The following CA10 variants were observed in gnomAD, a reference collection of about 807,000 sequenced individuals.
CA10 encodes the protein carbonic anhydrase-related protein 10.
Under a neutral mutation model 44.2 loss-of-function variants are expected in CA10, and 14 were observed. That is an observed-to-expected ratio of 0.32 (90% CI 0.21 to 0.50). CA10 has a LOEUF of 0.50. Ranked by LOEUF, CA10 falls within the 20% of genes least tolerant of loss-of-function variation. CA10 has a pLI of 0.99. For synonymous variants in CA10, 159 were observed against 141.6 expected (o/e 1.12, Z -0.87); for missense variants, 350 against 409.7 (o/e 0.85, Z 1.26).
intron 3 of CA10, among the ~76,000 whole-genome samples, chr17:51,771,636 G>A (rs1598037164): frequency 6.6e-6 from 1 of 152,142 alleles, no homozygotes; most frequent in Non-Finnish European, 1.5e-5. Context: ...GTCCCACTAT[G>A]TCTCAGCCTT....
chr17:52,096,760 T>C (rs1197980689), intron 1 of CA10, among the ~76,000 whole-genome samples: 1 of 152,238 alleles, frequency 6.6e-6, no homozygotes, highest in African/African-American at 2.4e-5. Context: ...GCATCTCATT[T>C]CTGAGGTTGG....
At chr17:51,921,020 T>C (rs1232619583) in intron 3 of CA10, among the ~76,000 whole-genome samples, 1 of 152,226 alleles carries the variant, frequency 6.6e-6, no homozygotes, top group Non-Finnish European at 1.5e-5. Flanking sequence ...GGAATAATTT[T>C]GATAGTGGTT....
At chr17:52,140,158 C>T (rs376574710) in intron 1 of CA10, among the ~76,000 whole-genome samples, 60 of 152,174 alleles carry the variant, frequency 3.9e-4, no homozygotes, top group Middle Eastern at 6.8e-3. Flanking sequence ...ATCTTAGTTG[C>T]GGTGGTGGTT....
At chr17:52,086,561 A>G (rs1343217008) in intron 1 of CA10, among the ~76,000 whole-genome samples, 1 of 152,214 alleles carries the variant, frequency 6.6e-6, no homozygotes, top group Non-Finnish European at 1.5e-5. Context: ...GAGGCTAGGG[A>G]AATGTAGTCC....
intron 3 of CA10, among the ~76,000 whole-genome samples, chr17:51,758,235 A>G (rs1411288744): frequency 1.3e-5 from 2 of 152,254 alleles, no homozygotes; most frequent in African/African-American, 4.8e-5. Context: ...TGCTTATTAT[A>G]TTAAATCATA....
At chr17:52,085,190 G>C (rs1988085877) in intron 1 of CA10, among the ~76,000 whole-genome samples, 1 of 152,086 alleles carries the variant, frequency 6.6e-6, no homozygotes, top group Admixed American at 6.6e-5. Flanking sequence ...TTCTGCTATA[G>C]CTCTAATCCA....
At chr17:51,942,004 G>A (rs924241477) in intron 2 of CA10, among the ~76,000 whole-genome samples, 4 of 151,590 alleles carry the variant, frequency 2.6e-5, no homozygotes, top group Non-Finnish European at 5.9e-5. Flanking sequence ...GGTGAATAAT[G>A]AAGGGTACAG....
intron 2 of CA10, among the ~76,000 whole-genome samples, chr17:52,040,850 T>C (rs189832556): frequency 8.0e-4 from 122 of 152,090 alleles, no homozygotes; most frequent in African/African-American, 2.8e-3. Context: ...AGTCTTTGGC[T>C]GAGGGTGAAT....
At chr17:51,878,875 TATATATATA>T (rs1980222265) in intron 3 of CA10, among the ~76,000 whole-genome samples, 4 of 23,560 alleles carry the variant, frequency 1.7e-4, no homozygotes, top group African/African-American at 3.9e-4. Context: ...TATATATATA[TATATATATA>T]TATATATGGG....
intron 2 of CA10, among the ~76,000 whole-genome samples, chr17:52,031,023 C>T (rs1986450445): frequency 6.6e-6 from 1 of 152,146 alleles, no homozygotes; most frequent in Non-Finnish European, 1.5e-5. Context: ...TTTAATAAAT[C>T]TCTTCTCATT....
chr17:51,972,029 A>G (rs2144071115), intron 2 of CA10, among the ~76,000 whole-genome samples: 1 of 152,172 alleles, frequency 6.6e-6, no homozygotes, highest in African/African-American at 2.4e-5. Flanking sequence ...TTAATTTCAA[A>G]TATCTTGCAG....
At chr17:51,902,869 G>A (rs1981379370) in intron 3 of CA10, among the ~76,000 whole-genome samples, 1 of 152,138 alleles carries the variant, frequency 6.6e-6, no homozygotes, top group Non-Finnish European at 1.5e-5. Flanking sequence ...TAGTGGGGAA[G>A]CAGTTAATCA....
At chr17:51,697,750 A>C (rs996187074) in intron 4 of CA10, among the ~76,000 whole-genome samples, 17 of 152,216 alleles carry the variant, frequency 1.1e-4, no homozygotes, top group African/African-American at 4.1e-4. Flanking sequence ...TGAATGAATA[A>C]ACAAATGAAT....
chr17:51,986,222 T>C (rs944901849), intron 2 of CA10, among the ~76,000 whole-genome samples: 5 of 152,034 alleles, frequency 3.3e-5, no homozygotes, highest in Admixed American at 3.3e-4. Context: ...AGCCAAATGA[T>C]CTTTGGCAAA....
chr17:51,678,146 A>G (rs1914697777), intron 4 of CA10, among the ~76,000 whole-genome samples: 1 of 152,218 alleles, frequency 6.6e-6, no homozygotes, highest in Non-Finnish European at 1.5e-5. Flanking sequence ...AAACTCACAT[A>G]TTGTATAATA....
chr17:51,953,715 A>C (rs1282520607), intron 2 of CA10, among the ~76,000 whole-genome samples: 2 of 152,146 alleles, frequency 1.3e-5, no homozygotes, highest in African/African-American at 2.4e-5. Context: ...ATTTTAATTC[A>C]TATAAATCTT....
chr17:51,862,594 C>T (rs560591657), intron 3 of CA10, among the ~76,000 whole-genome samples: 2 of 152,196 alleles, frequency 1.3e-5, no homozygotes, highest in African/African-American at 4.8e-5. Flanking sequence ...GGTTCAGAAA[C>T]TATCTTTGCT....
intron 3 of CA10, among the ~76,000 whole-genome samples, chr17:51,929,137 A>G (rs1162939434): frequency 6.6e-6 from 1 of 152,150 alleles, no homozygotes; most frequent in Non-Finnish European, 1.5e-5. Context: ...AAAAAAACCC[A>G]AGTCATAACA....
At chr17:51,747,168 A>T (rs896099861) in intron 4 of CA10, among the ~76,000 whole-genome samples, 2 of 152,236 alleles carry the variant, frequency 1.3e-5, no homozygotes, top group Non-Finnish European at 2.9e-5. Flanking sequence ...ACTCAGGAAA[A>T]CTATTGAGTT....
Sources: gnomAD v4.1 joint callset for allele counts (sites outside exome capture counted in the v4.1 genomes callset) on GRCh38, gnomAD v4.1.1 for gene constraint, MANE v1.5 for transcripts, NCBI Gene and HGNC (gene_info 2026-07-23, HGNC 2026-07-21) for gene names.